The following CRACR2A variants were observed in gnomAD, a reference collection of about 807,000 sequenced individuals.
The protein encoded by CRACR2A is EF-hand calcium-binding domain-containing protein 4B.
Under a neutral mutation model 90.5 loss-of-function variants are expected in CRACR2A, and 79 were observed. The observed-to-expected ratio is 0.87, with a 90% CI of 0.73 to 1.05. The LOEUF (loss-of-function observed/expected upper bound fraction) is 1.05, where lower values mean the gene tolerates loss of function less well. Ranked by LOEUF, CRACR2A falls within the 50% of genes least tolerant of loss-of-function variation. The pLI is 0.00. For missense variants in CRACR2A, 823 were observed against 897.2 expected (o/e 0.92, Z 1.06); for synonymous variants, 338 against 356.7 (o/e 0.95, Z 0.59).
At chr12:3,679,553 T>C (rs1169467921) in intron 5 of CRACR2A, among the ~76,000 whole-genome samples, 1 of 152,194 alleles carries the variant, frequency 6.6e-6, no homozygotes, top group Non-Finnish European at 1.5e-5. Context: ...ACTTCCTCCA[T>C]ACTCATACTG....
At chr12:3,641,312 C>G (rs1170519328) in intron 13 of CRACR2A, among the ~76,000 whole-genome samples, 2 of 152,198 alleles carry the variant, frequency 1.3e-5, no homozygotes, top group East Asian at 3.9e-4. Context: ...CCACTGCACT[C>G]CAGCCTGGGC....
Position 3,673,248 on chromosome 12 carries a change from C to T in CRACR2A, c.671+198G>A, listed in dbSNP as rs549148353. 3.3e-5 allele frequency among the ~76,000 whole-genome samples: 5 copies of T among 152,268 alleles called. No individual in the cohort carries two copies. The East Asian group carries it at 5.8e-4, about 18-fold the overall frequency. ...GTATAAAAAGTATTTAGAATAGTGCCTACCATATAGCTTAAAAAGGTGACG... is the reference window on the plus strand; with the variant it reads ...GTATAAAAAGTATTTAGAATAGTGCTTACCATATAGCTTAAAAAGGTGACG... On this transcript the variant is annotated intron_variant, in intron 7 of 19. Coordinates refer to ENST00000440314, the MANE Select transcript of CRACR2A (RefSeq NM_001144958.2).
chr12:3,673,460 C>T lies in CRACR2A; in HGVS notation c.657G>A (p.Glu219=). Residue 219 remains glutamate, a synonymous_variant, in exon 7 of 20, where the codon GAG becomes GAA. Coordinates refer to ENST00000440314, the MANE Select transcript of CRACR2A (RefSeq NM_001144958.2). ...QEAHEEKNEL[E]CALKRKIAAY... ...GGGGTACCCACCTTTTTAGGGCACA[C>T]TCCAGTTCATTCTTCTCCTCATGGG... is the stretch of plus-strand genomic sequence containing the variant. 6.2e-7 allele frequency: 1 copy of T among 1,613,850 alleles called. No homozygotes were observed. The highest frequency in any genetic ancestry group is 8.5e-7 in the Non-Finnish European group (1 of 1,179,934).
chr12:3,656,289 G>T, intron 9 of CRACR2A, 22 bp downstream of exon 9: 1 of 1,611,118 alleles, frequency 6.2e-7, no homozygotes. Context: ...CAGGTACTCT[G>T]GGGCCATGGA....
intron 10 of CRACR2A, 139 bp downstream of exon 10, chr12:3,654,073 A>T: frequency 2.3e-6 from 2 of 880,620 alleles, no homozygotes; most frequent in East Asian, 2.6e-5. Context: ...GAGGAGTGTT[A>T]GAAGAGTCTC....
chr12:3,631,841 C>G (rs113757690), intron 15 of CRACR2A, among the ~76,000 whole-genome samples: 1 of 152,170 alleles, frequency 6.6e-6, no homozygotes, highest in African/African-American at 2.4e-5. Context: ...ATGGAGTCTC[C>G]CCAGGCAGGA....
At position 3,616,434 on chromosome 12, in the gene CRACR2A, A is replaced by C. The variant is rs912088415; in HGVS notation, c.2111+520T>G. On this transcript the variant is annotated intron_variant, in intron 19 of 19. Transcript: ENST00000440314. ...TTTTGGTGTAGGCAGGGCCTTAAGG[A>C]ACCAGTCTTTTCATGCTACCAGCAC... Among the ~76,000 whole-genome samples, 4 of 152,278 alleles carry C rather than the reference A, an allele frequency of 2.6e-5. No homozygotes were observed. The East Asian group carries it at 5.8e-4, about 22-fold the overall frequency.
chr12:3,719,645 T>C (rs1239508506), intron 2 of CRACR2A, among the ~76,000 whole-genome samples: 1 of 152,208 alleles, frequency 6.6e-6, no homozygotes. Context: ...CTCTGAGATA[T>C]TTAATACTAG....
chr12:3,725,584 T>G (rs1946250322), intron 2 of CRACR2A, among the ~76,000 whole-genome samples: 1 of 152,190 alleles, frequency 6.6e-6, no homozygotes, highest in Non-Finnish European at 1.5e-5. Flanking sequence ...AAGGTCATAT[T>G]CACCAGTTCT....
chr12:3,630,575 A>C (rs1944360772), intron 15 of CRACR2A, among the ~76,000 whole-genome samples: 1 of 152,182 alleles, frequency 6.6e-6, no homozygotes, highest in Non-Finnish European at 1.5e-5. Flanking sequence ...TGTGAACCAA[A>C]GTGGAGAAGT....
rs1314531086 is a variant in CRACR2A at position 3,638,305 on chromosome 12, A to G, written c.1421T>C (p.Val474Ala). ...YPRPLRRIIS[V>A]EEDPLPQLLD... ...GAGCTGGGGCAGGGGGTCTTCTTCA[A>G]CGGAGATGATTCTGCGGAGCGGCCG... The change falls in exon 14 of 20, where the codon GTT (valine) becomes GCT (alanine). Residue 474 changes from valine to alanine, a missense_variant. By Grantham distance (64) the Val-to-Ala change is moderately conservative. Coordinates refer to ENST00000440314, the MANE Select transcript of CRACR2A (RefSeq NM_001144958.2). The G allele has an allele frequency of 1.3e-6, 2 of 1,551,580 alleles. No individual in the cohort carries two copies. Among genetic ancestry groups the G allele is most frequent in the Non-Finnish European group, 1.7e-6 (2 of 1,146,952 alleles).
intron 14 of CRACR2A, among the ~76,000 whole-genome samples, chr12:3,636,146 T>A (rs1944450663): frequency 6.6e-6 from 1 of 152,250 alleles, no homozygotes; most frequent in Non-Finnish European, 1.5e-5. Context: ...GGTTATTTCC[T>A]TATGAAGAAT....
rs1209475592 is a variant in CRACR2A at position 3,643,829 on chromosome 12, TA to T, written c.1164+765del. Among the ~76,000 whole-genome samples the T allele has an allele frequency of 1.3e-4, 13 of 98,248 alleles. No individual in the cohort carries two copies. In the East Asian group the frequency reaches 1.4e-3, roughly 10 times the overall value. The allele number at this position is 98,248 out of a possible 152,430, so 64.5% of individuals were successfully genotyped here. A position where few individuals can be genotyped will look rare whatever the true frequency, so the allele number is the denominator to read the frequency against. ...ATTATATATATATTTATATTATATA[TA>T]AATATATATAATATATATTATATAT... is the stretch of plus-strand genomic sequence containing the variant. On this transcript the variant is annotated intron_variant, in intron 12 of 19. Coordinates refer to ENST00000440314, the MANE Select transcript of CRACR2A (RefSeq NM_001144958.2).
intron 7 of CRACR2A, among the ~76,000 whole-genome samples, chr12:3,666,097 G>C (rs888006952): frequency 5.9e-5 from 9 of 152,080 alleles, no homozygotes; most frequent in African/African-American, 1.9e-4. Flanking sequence ...GGGAGGAGGG[G>C]GGAGTTATCA....
intron 12 of CRACR2A, among the ~76,000 whole-genome samples, chr12:3,643,779 TTATA>T (rs981532365): frequency 1.8e-5 from 2 of 113,710 alleles, no homozygotes; most frequent in Non-Finnish European, 3.4e-5. Context: ...TATATATAGT[TTATA>T]TATATATTTA....
At chr12:3,686,640 C>T (rs1294308527) in intron 4 of CRACR2A, among the ~76,000 whole-genome samples, 1 of 152,154 alleles carries the variant, frequency 6.6e-6, no homozygotes, top group East Asian at 1.9e-4. Context: ...TCCTCTCTGT[C>T]CTTTCCTCTG....
intron 17 of CRACR2A, among the ~76,000 whole-genome samples, chr12:3,619,669 C>T (rs1407993472): frequency 6.6e-6 from 1 of 152,170 alleles, no homozygotes; most frequent in Non-Finnish European, 1.5e-5. Flanking sequence ...AACAGCAGGC[C>T]CCCCAAGGTG....
intron 4 of CRACR2A, among the ~76,000 whole-genome samples, chr12:3,691,313 C>A (rs1318345808): frequency 2.6e-5 from 4 of 152,268 alleles, no homozygotes; most frequent in Middle Eastern, 3.4e-3. Context: ...GTGCTTCCTT[C>A]AGGAGCTCTT....
intron 7 of CRACR2A, among the ~76,000 whole-genome samples, chr12:3,662,884 T>C (rs1246850700): frequency 6.6e-6 from 1 of 152,212 alleles, no homozygotes; most frequent in Non-Finnish European, 1.5e-5. Flanking sequence ...AAGAGACAAC[T>C]CATCATGTTT....
Sources: allele counts gnomAD v4.1 joint callset (sites outside exome capture counted in the v4.1 genomes callset), GRCh38; gene constraint gnomAD v4.1.1; transcripts MANE v1.5; gene names NCBI Gene and HGNC (gene_info 2026-07-23, HGNC 2026-07-21).